Variants in TENM4 observed in about 807,000 individuals in gnomAD.
TENM4 encodes teneurin transmembrane protein 4, also known as teneurin-4.
In TENM4, 82 loss-of-function variants were observed where a neutral mutation model predicts 243.3. The ratio of observed to expected loss-of-function variants is 0.34; its 90% confidence interval spans 0.28 to 0.40. The LOEUF is 0.40. Among genes scored for constraint, TENM4 ranks in the 10% least tolerant of loss-of-function variants. The pLI, the probability that TENM4 is intolerant of heterozygous loss-of-function variation, is 1.00. For missense variants in TENM4, 3,138 were observed against 3,673.3 expected, an observed-to-expected ratio of 0.85 and a Z score of 3.77; for synonymous variants, 1,412 against 1,456.3, an observed-to-expected ratio of 0.97 and a Z score of 0.69.
At position 78,654,129 on chromosome 11, in the gene TENM4, G is replaced by C. The variant is rs1359824776; in HGVS notation, c.*3929C>G. The C allele has an allele frequency of 6.6e-6, 1 of 152,144 alleles. No homozygotes were observed. The highest frequency in any genetic ancestry group is 1.5e-5 in the Non-Finnish European group (1 of 68,028). 9.4% of individuals were successfully genotyped at this position (152,144 alleles called of 1,614,324 possible). On this transcript the variant is annotated 3_prime_UTR_variant, in exon 34 of 34. Coordinates refer to ENST00000278550, the MANE Select transcript of TENM4 (RefSeq NM_001098816.3). ...ATAGAGAGGTTTTCATTCTAACAAG[G>C]ACCCCAAGGGAAAGGAAAGACTGGG...
intron 3 of TENM4, among the ~76,000 whole-genome samples, chr11:79,211,557 C>A (rs1286287964): frequency 1.3e-5 from 2 of 152,310 alleles, no homozygotes; most frequent in East Asian, 3.9e-4. Context: ...AGGTTGAATG[C>A]AGAAGCAGAT....
At chr11:79,436,790 A>C (rs887765096) in intron 1 of TENM4, among the ~76,000 whole-genome samples, 5 of 152,182 alleles carry the variant, frequency 3.3e-5, no homozygotes, top group African/African-American at 1.2e-4. Context: ...ACAAGATGAG[A>C]GCAGAGGAAG....
At chr11:79,075,694 G>A (rs1860521067) in intron 4 of TENM4, among the ~76,000 whole-genome samples, 1 of 152,204 alleles carries the variant, frequency 6.6e-6, no homozygotes, top group Non-Finnish European at 1.5e-5. Flanking sequence ...TCAAGACGAA[G>A]AGCATGTGGC....
chr11:79,048,108 T>C (rs927775111), intron 6 of TENM4, among the ~76,000 whole-genome samples: 1 of 152,206 alleles, frequency 6.6e-6, no homozygotes, highest in African/African-American at 2.4e-5. Context: ...AATTAGTCCC[T>C]GACAGCCAGG....
At chr11:79,057,803 C>A (rs1859979107) in intron 6 of TENM4, among the ~76,000 whole-genome samples, 1 of 152,138 alleles carries the variant, frequency 6.6e-6, no homozygotes, top group South Asian at 2.1e-4. Context: ...CACCCTATTC[C>A]CAGTTGCACG....
At chr11:78,959,751 C>A (rs1366434825) in intron 6 of TENM4, among the ~76,000 whole-genome samples, 7 of 152,140 alleles carry the variant, frequency 4.6e-5, no homozygotes, top group Non-Finnish European at 1.0e-4. Flanking sequence ...GGCTAAAGTC[C>A]CCCATCTCCT....
At chr11:78,766,288 G>A (rs1034601900) in intron 18 of TENM4, among the ~76,000 whole-genome samples, 1 of 152,184 alleles carries the variant, frequency 6.6e-6, no homozygotes, top group Non-Finnish European at 1.5e-5. Context: ...AGCCCTGCAA[G>A]GTGGGCATTA....
chr11:79,063,793 G>A (rs904404878), intron 6 of TENM4, among the ~76,000 whole-genome samples: 2 of 152,176 alleles, frequency 1.3e-5, no homozygotes, highest in African/African-American at 4.8e-5. Context: ...TGTGAACCAG[G>A]TGTCATCTTT....
intron 4 of TENM4, among the ~76,000 whole-genome samples, chr11:79,078,894 C>T (rs1240396016): frequency 6.6e-6 from 1 of 152,240 alleles, no homozygotes; most frequent in Non-Finnish European, 1.5e-5. Flanking sequence ...CTGTGTCTGT[C>T]TGACCCCAAG....
chr11:79,203,213 GGAA>G (rs1189748020), intron 3 of TENM4, among the ~76,000 whole-genome samples: 2 of 152,012 alleles, frequency 1.3e-5, no homozygotes, highest in South Asian at 4.2e-4. Context: ...AAAACATTCT[GGAA>G]GTTCTTCAAA....
rs112471301 is a variant in TENM4 at position 78,824,588 on chromosome 11, G to A, written c.1682-10193C>T. On this transcript the variant is annotated intron_variant, in intron 12 of 33. Transcript: ENST00000278550. ...ACGATCTCGGCTCACTGCAACCTCCGCCTCCCGGTTTCAAGCAATTCTCCT... is the reference window on the plus strand; with the variant it reads ...ACGATCTCGGCTCACTGCAACCTCCACCTCCCGGTTTCAAGCAATTCTCCT... Among the ~76,000 whole-genome samples, 1,086 of 148,892 alleles carry A rather than the reference G, an allele frequency of 7.3e-3. 15 individuals are homozygous for A. Among genetic ancestry groups the A allele is most frequent in the African/African-American group, 0.026 (1,041 of 40,150 alleles).
At chr11:78,796,377 G>C (rs80322627) in intron 15 of TENM4, among the ~76,000 whole-genome samples, 1,868 of 152,256 alleles carry the variant, frequency 0.012, 54 homozygotes, top group African/African-American at 0.043. Context: ...TTTTCGGCCA[G>C]GACTGGAACA....
intron 25 of TENM4, among the ~76,000 whole-genome samples, chr11:78,714,334 A>T (rs1859472235): frequency 6.7e-6 from 1 of 150,096 alleles, no homozygotes; most frequent in African/African-American, 2.5e-5. Flanking sequence ...CAGGTTTGTC[A>T]TTATAAATGT....
intron 6 of TENM4, among the ~76,000 whole-genome samples, chr11:78,994,172 C>T (rs1858113949): frequency 6.6e-6 from 1 of 152,198 alleles, no homozygotes; most frequent in South Asian, 2.1e-4. Flanking sequence ...AAGGTCCTTC[C>T]CTTCTGGGTA....
intron 12 of TENM4, among the ~76,000 whole-genome samples, chr11:78,819,698 A>C (rs180867005): frequency 1.2e-4 from 19 of 152,146 alleles, no homozygotes; most frequent in Admixed American, 1.1e-3. Flanking sequence ...CTTTCTGCTC[A>C]CCCCACACTT....
intron 6 of TENM4, among the ~76,000 whole-genome samples, chr11:78,939,483 T>C (rs557875514): frequency 2.2e-4 from 33 of 152,330 alleles, no homozygotes; most frequent in African/African-American, 7.7e-4. Flanking sequence ...TTGTGCATGG[T>C]ATTGCCTGTA....
chr11:79,230,744 G>T (rs141044824), intron 2 of TENM4, among the ~76,000 whole-genome samples: 207 of 152,298 alleles, frequency 1.4e-3, no homozygotes, highest in African/African-American at 4.8e-3. Flanking sequence ...TGTGACATTT[G>T]GCCAATGACA....
intron 6 of TENM4, among the ~76,000 whole-genome samples, chr11:78,929,348 G>A (rs558196053): frequency 6.6e-6 from 1 of 152,172 alleles, no homozygotes; most frequent in African/African-American, 2.4e-5. Context: ...GCATTGCCAA[G>A]GAGAAGTCAA....
chr11:78,968,657 A>G (rs1281831665), intron 6 of TENM4, among the ~76,000 whole-genome samples: 1 of 152,216 alleles, frequency 6.6e-6, no homozygotes, highest in Non-Finnish European at 1.5e-5. Flanking sequence ...ACGGGCCCAG[A>G]TTCTTCACAA....
Sources: gnomAD v4.1 joint callset for allele counts (sites outside exome capture counted in the v4.1 genomes callset) on GRCh38, gnomAD v4.1.1 for gene constraint, MANE v1.5 for transcripts, NCBI Gene and HGNC (gene_info 2026-07-23, HGNC 2026-07-21) for gene names.